NELL1: variants seen among roughly 807,000 people sequenced by gnomAD.
NELL1 encodes neural EGFL like 1.
NELL1 carries 76 observed loss-of-function variants against 107.4 expected under a neutral mutation model. That is an observed-to-expected ratio of 0.71 (90% CI 0.59 to 0.86). The LOEUF (loss-of-function observed/expected upper bound fraction) is 0.86, where lower values mean the gene tolerates loss of function less well. NELL1 is among the 40% of genes least tolerant of loss of function. The probability of loss-of-function intolerance (pLI) is 0.00; values close to 1 mark genes in which losing one functional copy is unlikely to be tolerated. For missense variants in NELL1, 1,024 were observed against 1,005.5 expected, an observed-to-expected ratio of 1.02 and a Z score of -0.25; for synonymous variants, 353 against 341.2, an observed-to-expected ratio of 1.03 and a Z score of -0.38.
chr11:21,041,143 G>A (rs11025886), intron 12 of NELL1, among the ~76,000 whole-genome samples: 8,038 of 152,236 alleles, frequency 0.053, 308 homozygotes, highest in East Asian at 0.19. Flanking sequence ...GTACAGTGAA[G>A]AGAACAATGG....
chr11:20,927,421 T>C lies in NELL1; in HGVS notation c.873T>C (p.His291=), dbSNP rs778156628. 14 of 1,610,492 alleles carry C rather than the reference T, an allele frequency of 8.7e-6. No homozygotes were observed. In the East Asian group the frequency reaches 2.9e-4, roughly 33 times the overall value. ...AAGACTCTTGGGTAGATGGTGACCA[T>C]TGCAGGAACTGCACTTGCAAAGTAA... ...RDQDSWVDGD[H]CRNCTCKSGA... is the part of the protein sequence containing the mutation. Residue 291 remains histidine, a synonymous_variant, in exon 8 of 20, where the codon CAT becomes CAC. Coordinates refer to ENST00000357134, the MANE Select transcript of NELL1 (RefSeq NM_006157.5).
At chr11:21,107,394 A>T (rs1004285971) in intron 12 of NELL1, among the ~76,000 whole-genome samples, 2 of 152,172 alleles carry the variant, frequency 1.3e-5, no homozygotes, top group African/African-American at 4.8e-5. Flanking sequence ...GTTAGCCAAC[A>T]CCACTGTGTT....
intron 16 of NELL1, 103 bp downstream of exon 16, chr11:21,534,617 C>A: frequency 8.0e-7 from 1 of 1,251,280 alleles, no homozygotes; most frequent in Non-Finnish European, 1.1e-6. Context: ...TATGACCATT[C>A]ATTGGTTAAA....
intron 15 of NELL1, among the ~76,000 whole-genome samples, chr11:21,410,080 T>C (rs917381380): frequency 6.6e-6 from 1 of 152,084 alleles, no homozygotes; most frequent in Admixed American, 6.6e-5. Context: ...CTTTTCAATG[T>C]TCTTAACTAT....
At chr11:20,813,228 A>G (rs959574297) in intron 3 of NELL1, among the ~76,000 whole-genome samples, 1 of 152,168 alleles carries the variant, frequency 6.6e-6, no homozygotes, top group Admixed American at 6.5e-5. Context: ...AGTCTGGGGA[A>G]CATATACTCT....
chr11:21,060,196 A>G (rs1853705451), intron 12 of NELL1, among the ~76,000 whole-genome samples: 1 of 152,144 alleles, frequency 6.6e-6, no homozygotes, highest in African/African-American at 2.4e-5. Context: ...CTGAACTCCC[A>G]CAGCCTGGTC....
At position 20,961,890 on chromosome 11, in the gene NELL1, T is replaced by C. The variant is rs543090710; in HGVS notation, c.1300+1330T>C. On this transcript the variant is annotated intron_variant, in intron 12 of 19. Transcript: ENST00000357134. ...TTAATCCCTGCTTAACTTTTTGGCTTTGACTAAAGACCTCTAGTTATCAAG... is the reference window on the plus strand; with the variant it reads ...TTAATCCCTGCTTAACTTTTTGGCTCTGACTAAAGACCTCTAGTTATCAAG... Among the ~76,000 whole-genome samples the C allele has an allele frequency of 3.0e-4, 46 of 152,298 alleles. 1 individual carries two copies. In the South Asian group the frequency reaches 9.5e-3, roughly 32 times the overall value.
intron 7 of NELL1, among the ~76,000 whole-genome samples, chr11:20,925,723 G>T (rs918592121): frequency 6.6e-6 from 1 of 152,108 alleles, no homozygotes; most frequent in African/African-American, 2.4e-5. Context: ...GTTGGTCTAA[G>T]ATCCTATTTT....
At chr11:21,253,781 G>A (rs185463434) in intron 14 of NELL1, among the ~76,000 whole-genome samples, 223 of 152,088 alleles carry the variant, frequency 1.5e-3, no homozygotes, top group Non-Finnish European at 2.6e-3. Flanking sequence ...GGATGTGACG[G>A]TTAAAACAAA....
chr11:21,233,062 T>G (rs190914866), intron 14 of NELL1, among the ~76,000 whole-genome samples: 213 of 152,358 alleles, frequency 1.4e-3, no homozygotes, highest in African/African-American at 5.0e-3. Flanking sequence ...ACATGCCTTT[T>G]TATAAGCATT....
At chr11:20,934,719 C>A (rs1850687417) in intron 9 of NELL1, among the ~76,000 whole-genome samples, 1 of 152,180 alleles carries the variant, frequency 6.6e-6, no homozygotes, top group Non-Finnish European at 1.5e-5. Context: ...AGCTGCCTTG[C>A]CAAGTTGGCA....
intron 14 of NELL1, among the ~76,000 whole-genome samples, chr11:21,324,169 A>G (rs796588636): frequency 5.9e-5 from 9 of 152,214 alleles, no homozygotes; most frequent in African/African-American, 2.2e-4. Flanking sequence ...ACCCTATGAG[A>G]CAGTCATTAT....
At chr11:21,173,028 T>A (rs1338992531) in intron 13 of NELL1, among the ~76,000 whole-genome samples, 1 of 151,828 alleles carries the variant, frequency 6.6e-6, no homozygotes, top group Non-Finnish European at 1.5e-5. Context: ...TTTGAGTTGC[T>A]CTATTAATAT....
intron 13 of NELL1, among the ~76,000 whole-genome samples, chr11:21,204,197 C>T (rs1565109484): frequency 6.6e-6 from 1 of 152,150 alleles, no homozygotes. Context: ...TAATATCCTG[C>T]AGAGTGTTTT....
chr11:21,266,039 A>G (rs1848626740), intron 14 of NELL1, among the ~76,000 whole-genome samples: 1 of 151,904 alleles, frequency 6.6e-6, no homozygotes, highest in Non-Finnish European at 1.5e-5. Flanking sequence ...CTTCCTCTGC[A>G]CTTACCTGCT....
chr11:21,023,699 G>T lies in NELL1; in HGVS notation c.1300+63139G>T, dbSNP rs1413232464. ...GGCAGTGTGCAGCCCTGCTTGGCTT[G>T]TGGAGTAATATAGTGTGGAACATGC... is the stretch of plus-strand genomic sequence containing the variant. On this transcript the variant is annotated intron_variant, in intron 12 of 19. Transcript: ENST00000357134. 2.6e-5 allele frequency among the ~76,000 whole-genome samples: 4 copies of T among 152,070 alleles called. No homozygotes were observed. The East Asian group carries it at 7.8e-4, about 30-fold the overall frequency.
intron 15 of NELL1, among the ~76,000 whole-genome samples, chr11:21,401,680 C>G (rs191967744): frequency 6.3e-4 from 96 of 151,784 alleles, no homozygotes; most frequent in East Asian, 5.9e-4. Flanking sequence ...GACTCATTAG[C>G]ATTTCTGGCT....
At chr11:21,406,878 T>G (rs1214939525) in intron 15 of NELL1, among the ~76,000 whole-genome samples, 1 of 152,058 alleles carries the variant, frequency 6.6e-6, no homozygotes, top group Non-Finnish European at 1.5e-5. Flanking sequence ...TAAATTATTG[T>G]TAACTATAGT....
intron 2 of NELL1, among the ~76,000 whole-genome samples, chr11:20,752,800 A>G (rs1200078561): frequency 6.6e-6 from 1 of 152,236 alleles, no homozygotes; most frequent in East Asian, 1.9e-4. Context: ...CCACAACATT[A>G]CTTTTCACTC....
Sources: gnomAD v4.1 joint callset for allele counts (sites outside exome capture counted in the v4.1 genomes callset) on GRCh38, gnomAD v4.1.1 for gene constraint, MANE v1.5 for transcripts, NCBI Gene and HGNC (gene_info 2026-07-23, HGNC 2026-07-21) for gene names.